Variants in SEMA6D observed in about 807,000 individuals in gnomAD.
The protein encoded by SEMA6D is semaphorin-6D.
SEMA6D carries 35 observed loss-of-function variants against 106.6 expected under a neutral mutation model. The ratio of observed to expected loss-of-function variants is 0.33; its 90% CI spans 0.25 to 0.44. The LOEUF (loss-of-function observed/expected upper bound fraction) is 0.44, where lower values mean the gene tolerates loss of function less well. SEMA6D is among the 20% of genes least tolerant of loss of function. The pLI is 1.00. For synonymous variants in SEMA6D, 499 were observed against 487.7 expected (o/e 1.02, Z -0.31); for missense variants, 1,185 against 1,345.9 (o/e 0.88, Z 1.87).
At chr15:47,405,109 C>G (rs887033121) in intron 1 of SEMA6D, among the ~76,000 whole-genome samples, 3 of 152,072 alleles carry the variant, frequency 2.0e-5, no homozygotes, top group African/African-American at 7.2e-5. Context: ...GGAAGTGTTT[C>G]AGGAGATGCG....
At chr15:47,249,845 G>A (rs1194704458) in intron 1 of SEMA6D, among the ~76,000 whole-genome samples, 2 of 152,212 alleles carry the variant, frequency 1.3e-5, no homozygotes, top group African/African-American at 4.8e-5. Context: ...GCTCAAAGGA[G>A]TAAAAACAGA....
chr15:47,635,034 A>G (rs2077362382), intron 4 of SEMA6D, among the ~76,000 whole-genome samples: 1 of 152,176 alleles, frequency 6.6e-6, no homozygotes, highest in Non-Finnish European at 1.5e-5. Flanking sequence ...TCCAAGATGG[A>G]GCCTTCTTCA....
At chr15:47,439,075 A>C (rs542644287) in intron 2 of SEMA6D, among the ~76,000 whole-genome samples, 1 of 152,240 alleles carries the variant, frequency 6.6e-6, no homozygotes, top group South Asian at 2.1e-4. Context: ...TCTGGGAACC[A>C]TAGCTTTTGT....
At chr15:47,768,536 A>C (rs755363356) in intron 17 of SEMA6D, 45 bp from the exon 18 acceptor site, 1 of 1,441,886 alleles carries the variant, frequency 6.9e-7, no homozygotes, top group Admixed American at 2.2e-5. Flanking sequence ...ATCAAAAAAA[A>C]TCTTGACACT....
chr15:47,500,520 C>A lies in SEMA6D; in HGVS notation c.-87+29975C>A, dbSNP rs374012211. On this transcript the variant is annotated intron_variant, in intron 3 of 19. Coordinates refer to the SEMA6D transcript ENST00000558014. ...AAATTTAATAAAAACAGACATCATACAAATTTTCTTCTCCACTGTCTTTAA... is the reference window on the plus strand; with the variant it reads ...AAATTTAATAAAAACAGACATCATAAAAATTTTCTTCTCCACTGTCTTTAA... Among the ~76,000 whole-genome samples the A allele has an allele frequency of 2.4e-3, 362 of 152,174 alleles. 6 individuals carry two copies. In the South Asian group the frequency reaches 0.035, roughly 15 times the overall value.
At chr15:47,337,688 G>A (rs765542312) in intron 1 of SEMA6D, among the ~76,000 whole-genome samples, 4 of 152,028 alleles carry the variant, frequency 2.6e-5, no homozygotes, top group Non-Finnish European at 5.9e-5. Context: ...TCTGAAACAG[G>A]GAGAGATGAA....
At chr15:47,513,545 C>T (rs766152210) in intron 3 of SEMA6D, among the ~76,000 whole-genome samples, 2 of 151,998 alleles carry the variant, frequency 1.3e-5, no homozygotes, top group African/African-American at 2.4e-5. Context: ...ACAGACCAGT[C>T]GAAAGCAATC....
intron 1 of SEMA6D, among the ~76,000 whole-genome samples, chr15:47,200,674 T>C (rs1894663524): frequency 6.6e-6 from 1 of 152,190 alleles, no homozygotes; most frequent in Admixed American, 6.5e-5. Flanking sequence ...AAAGTACACA[T>C]ACAATTCCAC....
At chr15:47,554,866 G>A (rs2045870617) in intron 3 of SEMA6D, among the ~76,000 whole-genome samples, 1 of 152,162 alleles carries the variant, frequency 6.6e-6, no homozygotes, top group African/African-American at 2.4e-5. Flanking sequence ...GGATTATGGT[G>A]ATCTCAGGAT....
chr15:47,762,143 C>A, intron 7 of SEMA6D, 57 bp from the exon 8 acceptor site: 1 of 1,607,162 alleles, frequency 6.2e-7, no homozygotes, highest in Non-Finnish European at 8.5e-7. Context: ...GCTGCCAAAG[C>A]TAACACACTG....
At chr15:47,382,103 T>A (rs2039658408) in intron 1 of SEMA6D, among the ~76,000 whole-genome samples, 1 of 149,272 alleles carries the variant, frequency 6.7e-6, no homozygotes, top group Admixed American at 6.6e-5. Flanking sequence ...TTTCTTGCTT[T>A]TTGTAAAGTG....
At chr15:47,354,979 G>T (rs2038510078) in intron 1 of SEMA6D, among the ~76,000 whole-genome samples, 1 of 152,158 alleles carries the variant, frequency 6.6e-6, no homozygotes, top group African/African-American at 2.4e-5. Context: ...ATCAACTTAG[G>T]ACAAGATCTA....
At chr15:47,633,209 C>T (rs958572469) in intron 4 of SEMA6D, among the ~76,000 whole-genome samples, 2 of 152,030 alleles carry the variant, frequency 1.3e-5, no homozygotes, top group Non-Finnish European at 2.9e-5. Context: ...ATATTTACTC[C>T]CATTCCAGTA....
Position 47,708,177 on chromosome 15 carries a change from T to TA in SEMA6D, c.-54-51561dup, listed in dbSNP as rs146463427. ...CAAAAGCATTACAATCATCTTTTCCTAAAAAAATCTGTCTTCTAAACACAT... is the reference window on the plus strand; with the variant it reads ...CAAAAGCATTACAATCATCTTTTCCTAAAAAAAATCTGTCTTCTAAACACAT... On this transcript the variant is annotated intron_variant, in intron 4 of 19. Transcript: ENST00000558014. Among the ~76,000 whole-genome samples the TA allele has an allele frequency of 3.2e-3, 480 of 152,296 alleles. 5 individuals are homozygous for TA. The highest frequency in any genetic ancestry group is 0.011 in the African/African-American group (447 of 41,572).
chr15:47,549,832 A>G (rs981933760), intron 3 of SEMA6D, among the ~76,000 whole-genome samples: 5 of 152,180 alleles, frequency 3.3e-5, no homozygotes, highest in Non-Finnish European at 7.3e-5. Flanking sequence ...AGTGTGCAAA[A>G]TGGATCTTTT....
intron 1 of SEMA6D, among the ~76,000 whole-genome samples, chr15:47,214,640 A>C (rs1472589590): frequency 6.6e-6 from 1 of 152,214 alleles, no homozygotes; most frequent in Non-Finnish European, 1.5e-5. Context: ...CCACGTTAGA[A>C]ATTCTCTTTG....
At chr15:47,696,431 T>C (rs1362668957) in intron 4 of SEMA6D, among the ~76,000 whole-genome samples, 1 of 152,194 alleles carries the variant, frequency 6.6e-6, no homozygotes, top group Non-Finnish European at 1.5e-5. Flanking sequence ...CTTCAGGGAC[T>C]GCAAGTCTCA....
intron 1 of SEMA6D, among the ~76,000 whole-genome samples, chr15:47,296,195 T>C (rs898626822): frequency 6.6e-6 from 1 of 152,158 alleles, no homozygotes; most frequent in Non-Finnish European, 1.5e-5. Context: ...TAGGAATACT[T>C]GCTATCCAAT....
intron 1 of SEMA6D, among the ~76,000 whole-genome samples, chr15:47,721,848 C>T (rs2079440630): frequency 1.3e-5 from 2 of 152,120 alleles, no homozygotes; most frequent in African/African-American, 4.8e-5. Flanking sequence ...TTCTGCCATT[C>T]TCTCTGCTTG....
Sources: allele counts gnomAD v4.1 joint callset (sites outside exome capture counted in the v4.1 genomes callset), GRCh38; gene constraint gnomAD v4.1.1; transcripts MANE v1.5; gene names NCBI Gene and HGNC (gene_info 2026-07-23, HGNC 2026-07-21).